RABGAP1L: variants seen among roughly 807,000 people sequenced by gnomAD.
The protein encoded by RABGAP1L is rab GTPase-activating protein 1-like.
In RABGAP1L, 63 loss-of-function variants were observed where a neutral mutation model predicts 137.7. The ratio of observed to expected loss-of-function variants is 0.46; its 90% CI spans 0.37 to 0.56. RABGAP1L has a LOEUF of 0.56. RABGAP1L is among the 20% of genes least tolerant of loss of function. RABGAP1L has a pLI of 0.00. For synonymous variants in RABGAP1L, 431 were observed against 433.7 expected (o/e 0.99, Z 0.08); for missense variants, 1,095 against 1,244.0 (o/e 0.88, Z 1.80).
Position 174,713,643 on chromosome 1 carries a change from C to T in RABGAP1L, c.2169+11387C>T, listed in dbSNP as rs144203373. Among the ~76,000 whole-genome samples, 3 of 152,320 alleles carry T rather than the reference C, an allele frequency of 2.0e-5. No homozygotes were observed. The East Asian group carries it at 5.8e-4, about 29-fold the overall frequency. On this transcript the variant is annotated intron_variant, in intron 17 of 25. Coordinates refer to ENST00000681986, the MANE Select transcript of RABGAP1L (RefSeq NM_001366446.1). ...ACTGTGATAGTAAGCTTCCTGAGGC[C>T]CTCACCAGCAGCAGATGCTGGCACT...
chr1:174,419,239 A>G (rs990943435), intron 13 of RABGAP1L, among the ~76,000 whole-genome samples: 6 of 152,212 alleles, frequency 3.9e-5, no homozygotes, highest in African/African-American at 1.2e-4. Flanking sequence ...TGTGCATTCA[A>G]ACCACCTGCG....
At chr1:174,340,768 A>T (rs1681902316) in intron 11 of RABGAP1L, among the ~76,000 whole-genome samples, 1 of 152,202 alleles carries the variant, frequency 6.6e-6, no homozygotes, top group African/African-American at 2.4e-5. Flanking sequence ...AATGATTTAT[A>T]TTCTTTTGGG....
Position 174,722,710 on chromosome 1 carries a change from C to G in RABGAP1L, c.2169+20454C>G, listed in dbSNP as rs566135822. On this transcript the variant is annotated intron_variant, in intron 17 of 25. Coordinates refer to ENST00000681986, the MANE Select transcript of RABGAP1L (RefSeq NM_001366446.1). The stretch of plus-strand genomic sequence containing the variant: ...AGGTGATCTACCTGCCTCAGCCTCC[C>G]AAAGTACTGGGATTACAGGTGTGAG... Among the ~76,000 whole-genome samples the G allele has an allele frequency of 3.3e-5, 5 of 152,074 alleles. No homozygotes were observed. In the South Asian group the frequency reaches 1.0e-3, roughly 32 times the overall value.
chr1:174,389,072 A>T (rs2149070816), intron 12 of RABGAP1L, among the ~76,000 whole-genome samples: 1 of 152,170 alleles, frequency 6.6e-6, no homozygotes, highest in East Asian at 1.9e-4. Flanking sequence ...TTTCATGGCT[A>T]TTCATTACTT....
intron 20 of RABGAP1L, chr1:174,964,763 A>T: frequency 7.6e-7 from 1 of 1,320,616 alleles, no homozygotes; most frequent in East Asian, 2.8e-5. Context: ...CCCACTGGCT[A>T]CCTCAAGTAT....
intron 5 of RABGAP1L, among the ~76,000 whole-genome samples, chr1:174,246,815 G>A (rs1672305941): frequency 6.6e-6 from 1 of 152,158 alleles, no homozygotes. Flanking sequence ...TTTGTTATAA[G>A]ATACTGATAG....
chr1:174,291,233 C>G (rs1029030780), intron 10 of RABGAP1L, among the ~76,000 whole-genome samples: 1 of 151,340 alleles, frequency 6.6e-6, no homozygotes, highest in African/African-American at 2.4e-5. Context: ...TGGTTTTTCC[C>G]CCTTTTTTTC....
intron 13 of RABGAP1L, among the ~76,000 whole-genome samples, chr1:174,450,581 C>T (rs948998077): frequency 6.6e-6 from 1 of 152,012 alleles, no homozygotes; most frequent in Admixed American, 6.6e-5. Context: ...TAAGAGCTGA[C>T]AGTATTTTCT....
intron 1 of RABGAP1L, among the ~76,000 whole-genome samples, chr1:174,193,898 A>C (rs1667384683): frequency 6.6e-6 from 1 of 152,184 alleles, no homozygotes; most frequent in South Asian, 2.1e-4. Context: ...AGGAGCAATA[A>C]TTTTATGTGT....
At chr1:174,945,107 G>A (rs1053584141) in intron 19 of RABGAP1L, among the ~76,000 whole-genome samples, 2 of 152,148 alleles carry the variant, frequency 1.3e-5, no homozygotes, top group African/African-American at 4.8e-5. Flanking sequence ...CTTATTGTCT[G>A]TGTTCAAATA....
rs549607909 is a variant in RABGAP1L at position 174,199,580 on chromosome 1, C to T, written c.-33-19545C>T. Among the ~76,000 whole-genome samples the T allele has an allele frequency of 1.2e-4, 19 of 152,286 alleles. No individual in the cohort carries two copies. In the East Asian group the frequency reaches 2.1e-3, roughly 17 times the overall value. ...GTGCTGGGATTACAGATGTGAGCCA[C>T]CATGCCCGGCCCATACATTGTTTTT... On this transcript the variant is annotated intron_variant, in intron 1 of 25. Transcript: ENST00000681986.
intron 13 of RABGAP1L, among the ~76,000 whole-genome samples, chr1:174,397,868 A>G (rs1183792447): frequency 6.6e-6 from 1 of 152,168 alleles, no homozygotes; most frequent in African/African-American, 2.4e-5. Flanking sequence ...AAACTTGTAG[A>G]TCCTCACAGA....
intron 1 of RABGAP1L, among the ~76,000 whole-genome samples, chr1:174,174,222 ACAC>A: frequency 1.3e-5 from 2 of 149,126 alleles, no homozygotes; most frequent in Non-Finnish European, 2.9e-5. Flanking sequence ...ACACACACAC[ACAC>A]ACACACACAA....
At chr1:174,371,866 G>T (rs1484409091) in intron 12 of RABGAP1L, among the ~76,000 whole-genome samples, 1 of 152,124 alleles carries the variant, frequency 6.6e-6, no homozygotes, top group Non-Finnish European at 1.5e-5. Flanking sequence ...AAAAGTGGAT[G>T]CTCCTTATGA....
chr1:174,983,367 G>T (rs1304910674), intron 24 of RABGAP1L, among the ~76,000 whole-genome samples: 1 of 152,122 alleles, frequency 6.6e-6, no homozygotes, highest in Non-Finnish European at 1.5e-5. Context: ...GTTTTTAGAG[G>T]TTTATTTTTA....
At chr1:174,574,064 C>T (rs760818401) in intron 13 of RABGAP1L, among the ~76,000 whole-genome samples, 1 of 152,172 alleles carries the variant, frequency 6.6e-6, no homozygotes, top group Non-Finnish European at 1.5e-5. Flanking sequence ...ATGCTAATTA[C>T]GGGCAGCCTT....
chr1:174,788,046 G>A (rs781356737), intron 18 of RABGAP1L, among the ~76,000 whole-genome samples: 2 of 152,182 alleles, frequency 1.3e-5, no homozygotes, highest in Non-Finnish European at 2.9e-5. Flanking sequence ...AGAGAAAGAA[G>A]CTTACTAGAC....
At chr1:174,230,149 A>G (rs1670516175) in intron 3 of RABGAP1L, among the ~76,000 whole-genome samples, 1 of 151,972 alleles carries the variant, frequency 6.6e-6, no homozygotes, top group Non-Finnish European at 1.5e-5. Context: ...TCGCAAGGAC[A>G]AAAAACCAAA....
At chr1:174,642,757 TCCCCTCTCTCCCTCTC>T (rs1674642392) in intron 14 of RABGAP1L, among the ~76,000 whole-genome samples, 3 of 104,274 alleles carry the variant, frequency 2.9e-5, no homozygotes, top group Non-Finnish European at 5.5e-5. Context: ...CTCCCCTTCT[TCCCCTCTCTCCCTCTC>T]CCCCTCTCCT....
Sources: gnomAD v4.1 joint callset for allele counts (sites outside exome capture counted in the v4.1 genomes callset) on GRCh38, gnomAD v4.1.1 for gene constraint, MANE v1.5 for transcripts, NCBI Gene and HGNC (gene_info 2026-07-23, HGNC 2026-07-21) for gene names.